Variants in POLE observed in about 807,000 individuals in gnomAD.
POLE encodes the protein DNA polymerase epsilon catalytic subunit A.
In POLE, 188 loss-of-function variants were observed where a neutral mutation model predicts 279.2. The ratio of observed to expected loss-of-function variants is 0.67; its 90% confidence interval spans 0.60 to 0.76. POLE has a LOEUF of 0.76. POLE is among the 30% of genes least tolerant of loss of function. The pLI is 0.00. For synonymous variants in POLE, 1,214 were observed against 1,172.5 expected (o/e 1.04, Z -0.72); for missense variants, 2,703 against 3,016.7 (o/e 0.90, Z 2.44).
intron 40 of POLE, chr12:132,638,699 C>T (rs965227755): frequency 3.2e-5 from 6 of 185,192 alleles, no homozygotes; most frequent in African/African-American, 1.4e-4. Context: ...CCAGCAATTA[C>T]CCCACGGATC....
chr12:132,680,351 T>C (rs1167967454), intron 3 of POLE, 129 bp from the exon 4 acceptor site: 1 of 842,954 alleles, frequency 1.2e-6, no homozygotes. Flanking sequence ...CTTGGTAGCA[T>C]ACAGGAAGTC....
At chr12:132,662,706 T>C (rs775245349) in intron 23 of POLE, among the ~76,000 whole-genome samples, 2 of 152,064 alleles carry the variant, frequency 1.3e-5, no homozygotes, top group Non-Finnish European at 1.5e-5. Flanking sequence ...TGGTGGACCT[T>C]ACAGTACCAA....
intron 19 of POLE, 85 bp from the exon 20 acceptor site, chr12:132,667,733 G>A (rs2135972164): frequency 7.2e-7 from 1 of 1,398,394 alleles, no homozygotes. Context: ...TGAAGAACAT[G>A]GCTTCTACGT....
In POLE at chr12:132,639,107, G is replaced by A. The variant is rs2138507947; in HGVS notation, c.5552+18C>T. 1 of 1,612,758 alleles carries A rather than the reference G, an allele frequency of 6.2e-7. No homozygotes were observed. The highest frequency in any genetic ancestry group is 1.3e-5 in the African/African-American group (1 of 75,006). On this transcript the variant is annotated intron_variant, in intron 40 of 48. Transcript: ENST00000320574. The surrounding 1 kb of genome is among the most constrained non-coding windows in gnomAD (Gnocchi z 4.7). ...AGCTGAGGACGCGGTGGACAGCCCA[G>A]GGAGGAGGAGCACTCACTGCAGGAA... is the stretch of plus-strand genomic sequence containing the variant.
intron 15 of POLE, 51 bp from the exon 16 acceptor site, chr12:132,672,373 G>C: frequency 6.9e-7 from 1 of 1,446,072 alleles, no homozygotes; most frequent in Non-Finnish European, 9.7e-7. Context: ...ACCCACACTA[G>C]CCTGCCTCAG....
chr12:132,665,157 C>T (rs1427803442), intron 21 of POLE, 145 bp downstream of exon 21: 1 of 893,314 alleles, frequency 1.1e-6, no homozygotes, highest in Non-Finnish European at 1.7e-6. Flanking sequence ...CTCCCAGCCC[C>T]ACCCCAGCCC....
In POLE at chr12:132,657,203, A is replaced by T; in HGVS notation, c.3515T>A (p.Leu1172Gln). The stretch of plus-strand genomic sequence containing the variant: ...CTGCTTGTAGACATCATTCTTCTCC[A>T]GCAGTTTTTTGTGCAGCCAGTCGGG... ...KHPDWLHKKL[L>Q]EKNDVYKQKK... Residue 1172 changes from leucine to glutamine, a missense_variant, in exon 29 of 49, where the codon CTG becomes CAG. Coordinates refer to ENST00000320574, the MANE Select transcript of POLE (RefSeq NM_006231.4). 1 of 1,613,942 alleles carries T rather than the reference A, an allele frequency of 6.2e-7. No individual in the cohort carries two copies. Among genetic ancestry groups the T allele is most frequent in the African/African-American group, 1.3e-5 (1 of 74,950 alleles).
chr12:132,646,598 G>A (rs1360189224), intron 32 of POLE, among the ~76,000 whole-genome samples: 3 of 151,394 alleles, frequency 2.0e-5, no homozygotes, highest in East Asian at 1.9e-4. Flanking sequence ...TTGGGAGGCC[G>A]AGGTGGATGG....
At chr12:132,648,793 A>G in intron 32 of POLE, 136 bp downstream of exon 32, 1 of 949,688 alleles carries the variant, frequency 1.1e-6, no homozygotes, top group Non-Finnish European at 1.6e-6. Flanking sequence ...CAGCGCTCAC[A>G]CACGTTGTTT....
intron 25 of POLE, chr12:132,660,025 CAAG>C (rs1332636382): frequency 6.3e-6 from 1 of 159,800 alleles, no homozygotes; most frequent in East Asian, 1.8e-4. Flanking sequence ...CACAAAATAT[CAAG>C]AAGAATTTAC....
intron 13 of POLE, 45 bp from the exon 14 acceptor site, chr12:132,673,322 C>G (rs1565972733): frequency 8.0e-6 from 11 of 1,370,322 alleles, no homozygotes; most frequent in Non-Finnish European, 1.0e-5. Flanking sequence ...AAATCAAGAG[C>G]CCAGGGTCAA....
chr12:132,649,559 G>A (rs2138611143), intron 30 of POLE, 44 bp from the exon 31 acceptor site: 1 of 1,599,404 alleles, frequency 6.3e-7, no homozygotes. Context: ...GTGGTGAGAT[G>A]GGAATGCCCG....
rs1275500099 is a variant in POLE, at chr12:132,624,412, A to AT, written c.*284dup. The AT allele has an allele frequency of 3.9e-6, 2 of 515,194 alleles. No homozygotes were observed. The highest frequency in any genetic ancestry group is 7.0e-6 in the Non-Finnish European group (2 of 284,220). 31.9% of individuals were successfully genotyped at this position (515,194 alleles called of 1,614,324 possible). ...GGAAGCAACAGAGGCCTGGAAAAGC[A>AT]TTCACTGCGTGAGAAACGGCGCCCA... On this transcript the variant is annotated 3_prime_UTR_variant, in exon 49 of 49. Transcript: ENST00000320574.
At chr12:132,665,497 A>T (rs1451159704) in intron 20 of POLE, 47 bp from the exon 21 acceptor site, 1 of 1,570,568 alleles carries the variant, frequency 6.4e-7, no homozygotes, top group East Asian at 2.3e-5. Context: ...CTTCCATTTC[A>T]CATTCTACAA....
intron 20 of POLE, among the ~76,000 whole-genome samples, chr12:132,667,120 A>T (rs1593789156): frequency 6.6e-6 from 1 of 152,210 alleles, no homozygotes; most frequent in East Asian, 1.9e-4. Flanking sequence ...GGTGAATACC[A>T]TAGATGAGAA....
intron 29 of POLE, 31 bp from the exon 30 acceptor site, chr12:132,649,920 A>C: frequency 1.1e-3 from 1,684 of 1,562,800 alleles, no homozygotes; most frequent in Non-Finnish European, 1.3e-3. Context: ...CTTAAATCTC[A>C]GGATCTCGGG....
rs572986717 is a variant in POLE at position 132,649,732 on chromosome 12, G to A, written c.3740C>T (p.Pro1247Leu). Residue 1247 changes from proline to leucine, a missense_variant, in exon 30 of 49, where the codon CCG becomes CTG. By Grantham distance (98) the Pro-to-Leu change is moderately conservative. Around this residue, in one of 5 missense-constraint regions of POLE, gnomAD observed 1,551 missense variants for 1,686.1 expected, o/e 0.92. Transcript: ENST00000320574. ...ESQEESQDLT[P>L]TVPWQEILGQ... ...CAAGATTTCCTGCCAGGGCACAGTCGGCGTGAGGTCCTGGGACTCCTCCTG... is the reference window on the plus strand; with the variant it reads ...CAAGATTTCCTGCCAGGGCACAGTCAGCGTGAGGTCCTGGGACTCCTCCTG... The A allele has an allele frequency of 2.9e-5, 47 of 1,614,188 alleles. No homozygotes were observed. In the South Asian group the frequency reaches 3.3e-4, roughly 11 times the overall value.
Position 132,634,122 on chromosome 12 carries a change from A to G in POLE, c.6004+64T>C. ...CCTTCTTGCGATACCATGGCACAGG[A>G]GCCACATCTACTAACCATGAGTCCC... On this transcript the variant is annotated intron_variant, in intron 43 of 48. Coordinates refer to ENST00000320574, the MANE Select transcript of POLE (RefSeq NM_006231.4). The surrounding 1 kb of genome is among the most constrained non-coding windows in gnomAD (Gnocchi z 4.0). 1.4e-6 allele frequency: 2 copies of G among 1,381,804 alleles called. No individual in the cohort carries two copies. The highest frequency in any genetic ancestry group is 2.0e-6 in the Non-Finnish European group (2 of 997,290). 85.6% of individuals were successfully genotyped at this position (1,381,804 alleles called of 1,614,324 possible). A position where few individuals can be genotyped will look rare whatever the true frequency, so the allele number is the denominator to read the frequency against.
chr12:132,635,198 G>A (rs1321291438), intron 42 of POLE, among the ~76,000 whole-genome samples: 1 of 152,046 alleles, frequency 6.6e-6, no homozygotes, highest in Non-Finnish European at 1.5e-5. Flanking sequence ...ATGAGCCCCA[G>A]CCAGACGTGA....
Sources: gnomAD v4.1 joint callset for allele counts (sites outside exome capture counted in the v4.1 genomes callset) on GRCh38, gnomAD v4.1.1 for gene constraint, gnomAD v4.1.1 regional missense constraint, Gnocchi (gnomAD v3.1) non-coding constraint, MANE v1.5 for transcripts, NCBI Gene and HGNC (gene_info 2026-07-23, HGNC 2026-07-21) for gene names.